Variants in NELL1 observed in about 807,000 individuals in gnomAD.
The protein encoded by NELL1 is protein kinase C-binding protein NELL1.
A neutral mutation model predicts 107.4 loss-of-function variants in NELL1; 76 were observed. That is an observed-to-expected ratio of 0.71 (90% confidence interval 0.59 to 0.86). NELL1 has a LOEUF of 0.86. Among genes scored for constraint, NELL1 ranks in the 40% least tolerant of loss-of-function variants. The pLI is 0.00. For missense variants in NELL1, 1,024 were observed against 1,005.5 expected, an observed-to-expected ratio of 1.02 and a Z score of -0.25; for synonymous variants, 353 against 341.2, an observed-to-expected ratio of 1.03 and a Z score of -0.38.
At chr11:21,027,836 G>A (rs1852854884) in intron 12 of NELL1, among the ~76,000 whole-genome samples, 1 of 152,156 alleles carries the variant, frequency 6.6e-6, no homozygotes, top group African/African-American at 2.4e-5. Context: ...GAACAAAAAT[G>A]TTCAGTTAAA....
chr11:20,818,016 T>C (rs2134020946), intron 3 of NELL1, among the ~76,000 whole-genome samples: 1 of 152,290 alleles, frequency 6.6e-6, no homozygotes, highest in African/African-American at 2.4e-5. Flanking sequence ...AGCATGTGGT[T>C]GATCTTAGAG....
chr11:20,896,976 G>A (rs1234495592), intron 5 of NELL1, among the ~76,000 whole-genome samples: 2 of 152,124 alleles, frequency 1.3e-5, no homozygotes, highest in African/African-American at 4.8e-5. Flanking sequence ...TCATGAAAAT[G>A]GCCATATTGC....
intron 3 of NELL1, among the ~76,000 whole-genome samples, chr11:20,815,478 C>T (rs1227214845): frequency 2.6e-5 from 4 of 152,102 alleles, no homozygotes; most frequent in Non-Finnish European, 4.4e-5. Flanking sequence ...AGTTTCTGTA[C>T]GTGTCCTTTG....
chr11:21,103,976 G>A (rs1464455625), intron 12 of NELL1, among the ~76,000 whole-genome samples: 1 of 152,124 alleles, frequency 6.6e-6, no homozygotes, highest in Middle Eastern at 3.2e-3. Context: ...ACTGACATTT[G>A]GAAACTTTAC....
At chr11:21,055,510 C>A (rs1211924201) in intron 12 of NELL1, among the ~76,000 whole-genome samples, 1 of 152,054 alleles carries the variant, frequency 6.6e-6, no homozygotes, top group African/African-American at 2.4e-5. Flanking sequence ...TTTTATAGAC[C>A]TTACATAATT....
At chr11:21,557,632 G>A (rs1856751170) in intron 16 of NELL1, among the ~76,000 whole-genome samples, 1 of 151,826 alleles carries the variant, frequency 6.6e-6, no homozygotes, top group Non-Finnish European at 1.5e-5. Context: ...GAAGGGGCAG[G>A]GCATTGCCCC....
chr11:20,706,462 G>C (rs928082394), intron 2 of NELL1, among the ~76,000 whole-genome samples: 5 of 139,158 alleles, frequency 3.6e-5, no homozygotes, highest in South Asian at 2.4e-4. Context: ...GGTGGGGATT[G>C]AACAATGAGA....
chr11:21,345,153 C>T (rs1850656916), intron 14 of NELL1, among the ~76,000 whole-genome samples: 1 of 152,132 alleles, frequency 6.6e-6, no homozygotes, highest in African/African-American at 2.4e-5. Context: ...TGGAAAAATT[C>T]CAATTAGTCA....
At chr11:20,989,575 T>C (rs894755280) in intron 12 of NELL1, among the ~76,000 whole-genome samples, 1 of 152,186 alleles carries the variant, frequency 6.6e-6, no homozygotes, top group Non-Finnish European at 1.5e-5. Context: ...AATTGAACAG[T>C]CTGAAATTAG....
intron 2 of NELL1, among the ~76,000 whole-genome samples, chr11:20,721,179 G>GTATA (rs1368182153): frequency 3.1e-4 from 10 of 31,942 alleles, no homozygotes; most frequent in African/African-American, 5.0e-4. Flanking sequence ...TATATATTTT[G>GTATA]TGTATATATA....
At chr11:21,289,152 G>C (rs980053081) in intron 14 of NELL1, among the ~76,000 whole-genome samples, 1 of 152,214 alleles carries the variant, frequency 6.6e-6, no homozygotes, top group African/African-American at 2.4e-5. Flanking sequence ...TAGGTGAGGA[G>C]CACTATTGAT....
At chr11:21,475,569 A>T (rs1202418227) in intron 15 of NELL1, among the ~76,000 whole-genome samples, 1 of 152,202 alleles carries the variant, frequency 6.6e-6, no homozygotes, top group Non-Finnish European at 1.5e-5. Flanking sequence ...CCCTGCTTCA[A>T]GAAGCAGTGC....
At chr11:20,688,177 G>T (rs1025113579) in intron 2 of NELL1, among the ~76,000 whole-genome samples, 1 of 144,224 alleles carries the variant, frequency 6.9e-6, no homozygotes, top group Non-Finnish European at 1.5e-5. Flanking sequence ...CTATGAGAGA[G>T]AACTTTTTTT....
At chr11:20,681,119 C>T (rs1259791012) in intron 2 of NELL1, among the ~76,000 whole-genome samples, 3 of 152,134 alleles carry the variant, frequency 2.0e-5, no homozygotes, top group African/African-American at 7.2e-5. Flanking sequence ...GGCTCTAGAG[C>T]AGGCTTTCCT....
intron 12 of NELL1, among the ~76,000 whole-genome samples, chr11:21,089,352 A>G (rs1408247488): frequency 6.6e-6 from 1 of 152,200 alleles, no homozygotes; most frequent in African/African-American, 2.4e-5. Flanking sequence ...TCATCCAAAC[A>G]TTTAAATAGC....
At chr11:21,293,582 T>C (rs1367647004) in intron 14 of NELL1, among the ~76,000 whole-genome samples, 1 of 152,144 alleles carries the variant, frequency 6.6e-6, no homozygotes, top group Non-Finnish European at 1.5e-5. Context: ...CATTACTGGG[T>C]ATATACTTAA....
chr11:21,027,084 G>A (rs73460613), intron 12 of NELL1, among the ~76,000 whole-genome samples: 107 of 152,170 alleles, frequency 7.0e-4, no homozygotes, highest in African/African-American at 2.5e-3. Flanking sequence ...CTCTCACTGA[G>A]CATTAAAGGA....
rs142601395 is a variant in NELL1, at chr11:21,324,559, A to G, written c.1550-46294A>G. On this transcript the variant is annotated intron_variant, in intron 14 of 19. Transcript: ENST00000357134. ...AGTGGCAACTTCCTTGAAACAGATT[A>G]GTGATTTTTCAGTCAACATTGATGT... Among the ~76,000 whole-genome samples the G allele has an allele frequency of 1.6e-3, 237 of 152,190 alleles. 1 individual carries two copies. The highest frequency in any genetic ancestry group is 5.4e-3 in the African/African-American group (224 of 41,550).
At chr11:20,849,226 C>T (rs1223914918) in intron 4 of NELL1, among the ~76,000 whole-genome samples, 1 of 152,146 alleles carries the variant, frequency 6.6e-6, no homozygotes, top group African/African-American at 2.4e-5. Flanking sequence ...GCCACAAAAC[C>T]CTAGTTTCGT....
Sources: allele counts gnomAD v4.1 joint callset (sites outside exome capture counted in the v4.1 genomes callset), GRCh38; gene constraint gnomAD v4.1.1; transcripts MANE v1.5; gene names NCBI Gene and HGNC (gene_info 2026-07-23, HGNC 2026-07-21).